The following C2orf81 variants were observed in gnomAD, a reference collection of about 807,000 sequenced individuals.
C2orf81 encodes uncharacterized protein C2orf81.
C2orf81 carries 5 observed loss-of-function variants against 7.9 expected under a neutral mutation model. The observed-to-expected ratio is 0.63, with a 90% confidence interval of 0.33 to 1.33. The LOEUF is 1.33. C2orf81 is among the 40% of genes most tolerant of loss of function. C2orf81 has a pLI of 0.05. For synonymous variants in C2orf81, 346 were observed against 367.4 expected, an observed-to-expected ratio of 0.94 and a Z score of 0.66; for missense variants, 781 against 830.4, an observed-to-expected ratio of 0.94 and a Z score of 0.73.
chr2:74,416,045 A>T lies in C2orf81; in HGVS notation c.215T>A (p.Met72Lys), dbSNP rs1050871385. The change falls in exon 2 of 3, where the codon ATG becomes AAG. Residue 72 changes from methionine (M) to lysine (K), a missense_variant. Transcript: ENST00000684111. ...DILADLLARV[M>K]DSAFKVYLTQ... ...CAGGTAGACTTTGAAAGCAGAGTCC[A>T]TGACTCGAGCCAGCAAGTCGGCCAA... 3.9e-6 allele frequency: 6 copies of T among 1,549,926 alleles called. No homozygotes were observed. Among genetic ancestry groups the T allele is most frequent in the Non-Finnish European group, 4.4e-6 (5 of 1,146,712 alleles).
At position 74,414,991 on chromosome 2, in the gene C2orf81, C is replaced by G; in HGVS notation, c.1186G>C (p.Asp396His). 1 of 1,549,100 alleles carries G rather than the reference C, an allele frequency of 6.5e-7. No homozygotes were observed. The highest frequency in any genetic ancestry group is 8.7e-7 in the Non-Finnish European group (1 of 1,146,320). Residue 396 changes from aspartate to histidine, a missense_variant, in exon 3 of 3, where the codon GAC (aspartate) becomes CAC (histidine). Coordinates refer to ENST00000684111, the MANE Select transcript of C2orf81 (RefSeq NM_001316764.3). The surrounding 1 kb of genome is among the most constrained non-coding windows in gnomAD (Gnocchi z 5.3). ...GCTTCCAAGGGGCGTGTTTGAGAGT[C>G]TGGGACCAGGACCTCAGCCAGAGGG... is the stretch of plus-strand genomic sequence containing the variant. Reference protein sequence around the residue: ...VRPLAEVLVPDSQTRPLEAYR... With the variant: ...VRPLAEVLVPHSQTRPLEAYR...
In C2orf81 at chr2:74,421,589, T is replaced by C. The variant is rs1241830307; in HGVS notation, c.-29A>G. ...CAACGCGGTCGCAGCAACGCTGGTG[T>C]TTCTGCTGCATCCGGGCCGCGTAAG... On this transcript the variant is annotated 5_prime_UTR_variant, in exon 1 of 3. Transcript: ENST00000684111. 1 of 425,842 alleles carries C rather than the reference T, an allele frequency of 2.3e-6. No homozygotes were observed. Among genetic ancestry groups the C allele is most frequent in the Non-Finnish European group, 4.2e-6 (1 of 239,492 alleles). The allele number at this position is 425,842 out of a possible 1,614,324, so 26.4% of individuals were successfully genotyped here.
In C2orf81 at chr2:74,414,567, T is replaced by C; in HGVS notation, c.1610A>G (p.Gln537Arg). 1 of 1,541,774 alleles carries C rather than the reference T, an allele frequency of 6.5e-7. No homozygotes were observed. Among genetic ancestry groups the C allele is most frequent in the Non-Finnish European group, 8.8e-7 (1 of 1,140,068 alleles). Residue 537 changes from glutamine to arginine, a missense_variant, in exon 3 of 3, where the codon CAG (glutamine) becomes CGG (arginine). Gln to Arg is a conservative substitution (Grantham distance 43). Transcript: ENST00000684111. The surrounding 1 kb of genome is among the most constrained non-coding windows in gnomAD (Gnocchi z 5.3). Reference protein sequence around the residue: ...QGLELADREGQDPGRWPRTTP... With the variant: ...QGLELADREGRDPGRWPRTTP... Reference sequence around the variant, plus strand: ...GGTTCGAGGCCATCTGCCAGGATCCTGGCCCTCCCTGTCTGCCAGCTCCAG... The same window carrying C: ...GGTTCGAGGCCATCTGCCAGGATCCCGGCCCTCCCTGTCTGCCAGCTCCAG...
chr2:74,418,118 G>T lies in C2orf81; in HGVS notation c.19-1877C>A. Reference sequence around the variant, plus strand: ...GATCAAAGCTGTCCAGTCCCAGAAGGAAGCTGCTCCTCCAGTGAGGACTCC... The same window carrying T: ...GATCAAAGCTGTCCAGTCCCAGAAGTAAGCTGCTCCTCCAGTGAGGACTCC... On this transcript the variant is annotated intron_variant, in intron 1 of 2. Transcript: ENST00000684111. 4 of 758,296 alleles carry T rather than the reference G, an allele frequency of 5.3e-6. No homozygotes were observed. In the South Asian group the frequency reaches 5.8e-5, roughly 11 times the overall value. 47.0% of individuals were successfully genotyped at this position (758,296 alleles called of 1,614,324 possible).
rs762977392 is a variant in C2orf81 at position 74,415,327 on chromosome 2, G to A, written c.850C>T (p.Pro284Ser). The A allele has an allele frequency of 4.5e-6, 7 of 1,543,280 alleles. No individual in the cohort carries two copies. Among genetic ancestry groups the A allele is most frequent in the Non-Finnish European group, 6.1e-6 (7 of 1,142,144 alleles). The stretch of plus-strand genomic sequence containing the variant: ...TGTCCCCTCCCAGTTGAGGCCTGGG[G>A]GCTGGCTACCAGGTACGGATCCAGA... Reference protein sequence around the residue: ...PSLDPYLVASPQASTGRGHPL... With the variant: ...PSLDPYLVASSQASTGRGHPL... Residue 284 changes from proline to serine, a missense_variant, in exon 3 of 3, where the codon CCC becomes TCC. Pro to Ser is a moderately conservative substitution (Grantham distance 74). Transcript: ENST00000684111. The surrounding 1 kb of genome is among the most constrained non-coding windows in gnomAD (Gnocchi z 5.5).
At chr2:74,420,116 G>A (rs1201816734) in intron 1 of C2orf81, among the ~76,000 whole-genome samples, 1 of 152,196 alleles carries the variant, frequency 6.6e-6, no homozygotes, top group Non-Finnish European at 1.5e-5. Context: ...AACGTTAATT[G>A]AAAGAAGCAG....
In C2orf81 at chr2:74,414,949, G is replaced by A. The variant is rs1368314240; in HGVS notation, c.1228C>T (p.Arg410Trp). The change falls in exon 3 of 3, where the codon CGG becomes TGG. Residue 410 changes from arginine to tryptophan, a missense_variant. Arg to Trp is a moderately radical substitution (Grantham distance 101). Transcript: ENST00000684111. This position sits in a 1 kb window ranked among gnomAD's most constrained non-coding sequence, Gnocchi z 5.3. ...GCCCGGGCCTTGGTCTTCTCGCCCCGCTGGCGTCCGCGGTAGGCTTCCAAG... is the reference window on the plus strand; with the variant it reads ...GCCCGGGCCTTGGTCTTCTCGCCCCACTGGCGTCCGCGGTAGGCTTCCAAG... ...RPLEAYRGRQRGEKTKARAEP... is the reference protein window; with the variant it reads ...RPLEAYRGRQWGEKTKARAEP... 1.3e-6 allele frequency: 2 copies of A among 1,546,378 alleles called. No individual in the cohort carries two copies. The highest frequency in any genetic ancestry group is 2.0e-5 in the Admixed American group (1 of 50,812).
intron 1 of C2orf81, among the ~76,000 whole-genome samples, chr2:74,418,991 G>C (rs1447480768): frequency 6.6e-6 from 1 of 152,020 alleles, no homozygotes; most frequent in Non-Finnish European, 1.5e-5. Flanking sequence ...GACCAGCCTA[G>C]CCAACATGGT....
intron 1 of C2orf81, chr2:74,417,360 C>T (rs1676494631): frequency 6.1e-6 from 8 of 1,307,650 alleles, no homozygotes; most frequent in Non-Finnish European, 8.1e-6. Flanking sequence ...CAGGTAGCTG[C>T]CACAGGGCTC....
rs1400419849 is a variant in C2orf81 at position 74,414,978 on chromosome 2, C to A, written c.1199G>T (p.Arg400Leu). 1.3e-6 allele frequency: 2 copies of A among 1,548,554 alleles called. No homozygotes were observed. Among genetic ancestry groups the A allele is most frequent in the Middle Eastern group, 1.7e-4 (1 of 6,006 alleles). ...GCGTCCGCGGTAGGCTTCCAAGGGG[C>A]GTGTTTGAGAGTCTGGGACCAGGAC... ...AEVLVPDSQT[R>L]PLEAYRGRQR... The change falls in exon 3 of 3, where the codon CGC becomes CTC. Residue 400 changes from arginine (R) to leucine (L), a missense_variant. Transcript: ENST00000684111. The surrounding 1 kb of genome is among the most constrained non-coding windows in gnomAD (Gnocchi z 5.3).
In C2orf81 at chr2:74,415,752, A is replaced by G; in HGVS notation, c.425T>C (p.Leu142Pro). The part of the protein sequence containing the change: ...DSWAQGSVPV[L>P]HASTSEGLEN... ...CAGGCCCTCCGAGGTGGACGCGTGC[A>G]GCACGGGCACTGAACCCTGAGCCCA... is the stretch of plus-strand genomic sequence containing the variant. The change falls in exon 3 of 3, where the codon CTG becomes CCG. Residue 142 changes from leucine (L) to proline (P), a missense_variant. Physicochemically the swap from Leu to Pro is moderately conservative, Grantham distance 98. Coordinates refer to ENST00000684111, the MANE Select transcript of C2orf81 (RefSeq NM_001316764.3). This position sits in a 1 kb window ranked among gnomAD's most constrained non-coding sequence, Gnocchi z 5.5. 2 of 1,551,624 alleles carry G rather than the reference A, an allele frequency of 1.3e-6. No individual in the cohort carries two copies. The highest frequency in any genetic ancestry group is 1.7e-6 in the Non-Finnish European group (2 of 1,147,014).
chr2:74,414,307 T>C lies in C2orf81; in HGVS notation c.*22A>G, dbSNP rs770589090. ...GCGTGACCACACTTTGGGGGCTGAG[T>C]TCTTCATTAGCTGTGCTACGGTCAC... On this transcript the variant is annotated 3_prime_UTR_variant, in exon 3 of 3. Transcript: ENST00000684111. This position sits in a 1 kb window ranked among gnomAD's most constrained non-coding sequence, Gnocchi z 5.3. 49 of 1,432,710 alleles carry C rather than the reference T, an allele frequency of 3.4e-5. No homozygotes were observed. The South Asian group carries it at 7.0e-4, about 21-fold the overall frequency. 88.7% of individuals were successfully genotyped at this position (1,432,710 alleles called of 1,614,324 possible).
chr2:74,416,584 A>AGAAAG (rs1553369486), intron 1 of C2orf81: 1 of 152,598 alleles, frequency 6.6e-6, no homozygotes, highest in African/African-American at 2.8e-5. Flanking sequence ...AAAAAAAAAA[A>AGAAAG]AAAAAGAAAA....
intron 1 of C2orf81, chr2:74,416,584 A>AAAAAAAAAAAG (rs1676476555): frequency 6.6e-6 from 1 of 152,668 alleles, no homozygotes; most frequent in African/African-American, 2.8e-5. Context: ...AAAAAAAAAA[A>AAAAAAAAAAAG]AAAAAGAAAA....
chr2:74,415,001 G>C lies in C2orf81; in HGVS notation c.1176C>G (p.Val392=). 1.3e-6 allele frequency: 2 copies of C among 1,549,034 alleles called. No homozygotes were observed. Among genetic ancestry groups the C allele is most frequent in the Non-Finnish European group, 1.7e-6 (2 of 1,146,282 alleles). Residue 392 remains valine (V), a synonymous_variant, in exon 3 of 3, where the codon GTC becomes GTG. Transcript: ENST00000684111. The surrounding 1 kb of genome is among the most constrained non-coding windows in gnomAD (Gnocchi z 5.5). ...PCHWVRPLAE[V]LVPDSQTRPL... Reference sequence around the variant, plus strand: ...GGCGTGTTTGAGAGTCTGGGACCAGGACCTCAGCCAGAGGGCGCACCCAGT... The same window carrying C: ...GGCGTGTTTGAGAGTCTGGGACCAGCACCTCAGCCAGAGGGCGCACCCAGT...
chr2:74,418,429 C>T (rs1172061190), intron 1 of C2orf81: 1 of 1,564,720 alleles, frequency 6.4e-7, no homozygotes, highest in Non-Finnish European at 8.8e-7. Flanking sequence ...GGACTTCGAG[C>T]TCGACTCGCT....
Position 74,415,961 on chromosome 2 carries a change from G to C in C2orf81, c.250-34C>G. On this transcript the variant is annotated intron_variant, in intron 2 of 2. Transcript: ENST00000684111. This position sits in a 1 kb window ranked among gnomAD's most constrained non-coding sequence, Gnocchi z 5.5. ...GCGAGAGAGGATCTCAGGTCGGCAGGGAGGGGCGGGAGAGGGAGACGAGTC... is the reference window on the plus strand; with the variant it reads ...GCGAGAGAGGATCTCAGGTCGGCAGCGAGGGGCGGGAGAGGGAGACGAGTC... 1 of 1,547,158 alleles carries C rather than the reference G, an allele frequency of 6.5e-7. No homozygotes were observed. Among genetic ancestry groups the C allele is most frequent in the Non-Finnish European group, 8.7e-7 (1 of 1,143,806 alleles).
chr2:74,420,868 C>T (rs1573218328), intron 1 of C2orf81, among the ~76,000 whole-genome samples: 1 of 150,614 alleles, frequency 6.6e-6, no homozygotes, highest in Admixed American at 6.6e-5. Flanking sequence ...GCAACCTCCG[C>T]CTCCCGAGTT....
chr2:74,417,621 AC>A, intron 1 of C2orf81: 12 of 994,026 alleles, frequency 1.2e-5, no homozygotes, highest in South Asian at 1.6e-5. Context: ...GGGGGCCAGC[AC>A]CCCCCTCCAT....
Sources: gnomAD v4.1 joint callset for allele counts (sites outside exome capture counted in the v4.1 genomes callset) on GRCh38, gnomAD v4.1.1 for gene constraint, Gnocchi (gnomAD v3.1) non-coding constraint, MANE v1.5 for transcripts, NCBI Gene and HGNC (gene_info 2026-07-23, HGNC 2026-07-21) for gene names.